The following THRB variants were observed in gnomAD, a reference collection of about 807,000 sequenced individuals.
THRB encodes the protein nuclear receptor subfamily 1 group A member 2.
In THRB, 12 loss-of-function variants were observed where a neutral mutation model predicts 47.8. The ratio of observed to expected loss-of-function variants is 0.25; its 90% CI spans 0.16 to 0.41. The LOEUF (loss-of-function observed/expected upper bound fraction) is 0.41, where lower values mean the gene tolerates loss of function less well. Ranked by LOEUF, THRB falls within the 10% of genes least tolerant of loss-of-function variation. The pLI, the probability that THRB is intolerant of heterozygous loss-of-function variation, is 1.00. For synonymous variants in THRB, 218 were observed against 212.2 expected (o/e 1.03, Z -0.24); for missense variants, 348 against 589.2 (o/e 0.59, Z 4.24).
chr3:24,286,371 A>C (rs2055298749), intron 3 of THRB, among the ~76,000 whole-genome samples: 2 of 152,222 alleles, frequency 1.3e-5, no homozygotes, highest in Non-Finnish European at 1.5e-5. Flanking sequence ...TTGGTTCAAG[A>C]AGATATTCAT....
At chr3:24,310,532 C>T (rs2057682137) in intron 2 of THRB, among the ~76,000 whole-genome samples, 1 of 152,154 alleles carries the variant, frequency 6.6e-6, no homozygotes, top group Non-Finnish European at 1.5e-5. Flanking sequence ...GGCCCCATCC[C>T]TAGAGCTTCT....
chr3:24,232,602 A>T (rs2048364071), intron 3 of THRB, among the ~76,000 whole-genome samples: 1 of 152,148 alleles, frequency 6.6e-6, no homozygotes, highest in Non-Finnish European at 1.5e-5. Context: ...AATGAGCTTC[A>T]TACAGAAAAA....
chr3:24,479,247 A>T (rs1695993504), intron 1 of THRB, among the ~76,000 whole-genome samples: 1 of 152,258 alleles, frequency 6.6e-6, no homozygotes, highest in African/African-American at 2.4e-5. Context: ...GCTAGCAGTG[A>T]GCTGAGATTG....
intron 1 of THRB, among the ~76,000 whole-genome samples, chr3:24,339,521 T>C (rs556764302): frequency 3.9e-5 from 6 of 152,288 alleles, no homozygotes; most frequent in Non-Finnish European, 7.4e-5. Flanking sequence ...TGAGAACAGA[T>C]TTAGGTTTTA....
chr3:24,372,476 T>G (rs1376847167), intron 1 of THRB, among the ~76,000 whole-genome samples: 2 of 152,132 alleles, frequency 1.3e-5, no homozygotes. Flanking sequence ...AGTTCCCTTA[T>G]AAGAAAATCA....
At chr3:24,183,617 C>A (rs2042201598) in intron 5 of THRB, among the ~76,000 whole-genome samples, 1 of 151,472 alleles carries the variant, frequency 6.6e-6, no homozygotes. Context: ...AAGTGATCCA[C>A]CTGCCTCGGC....
At chr3:24,182,135 A>G (rs1197853387) in intron 5 of THRB, among the ~76,000 whole-genome samples, 1 of 152,160 alleles carries the variant, frequency 6.6e-6, no homozygotes, top group East Asian at 1.9e-4. Flanking sequence ...CGGGAGGTGG[A>G]GCTTGCAGTG....
At chr3:24,410,382 T>C (rs2068187362) in intron 1 of THRB, among the ~76,000 whole-genome samples, 1 of 151,788 alleles carries the variant, frequency 6.6e-6, no homozygotes, top group Admixed American at 6.6e-5. Context: ...AATGCAAATA[T>C]TCCAAAAGCA....
At chr3:24,490,014 C>A (rs1697898126) in intron 1 of THRB, among the ~76,000 whole-genome samples, 1 of 152,124 alleles carries the variant, frequency 6.6e-6, no homozygotes, top group Admixed American at 6.5e-5. Flanking sequence ...CACAAACAAT[C>A]ACCTCCTCAG....
intron 3 of THRB, among the ~76,000 whole-genome samples, chr3:24,262,117 C>A (rs1449834325): frequency 6.6e-6 from 1 of 152,176 alleles, no homozygotes. Context: ...TATGTCCAAA[C>A]TAGATTACAG....
At chr3:24,332,570 C>A (rs2061992732) in intron 2 of THRB, among the ~76,000 whole-genome samples, 1 of 152,234 alleles carries the variant, frequency 6.6e-6, no homozygotes, top group Non-Finnish European at 1.5e-5. Flanking sequence ...AAAGCCCAGC[C>A]CTGCCACTGT....
intron 4 of THRB, among the ~76,000 whole-genome samples, chr3:24,204,032 C>T (rs1379523138): frequency 1.3e-5 from 2 of 152,258 alleles, no homozygotes; most frequent in Admixed American, 6.5e-5. Flanking sequence ...GCGGAGCCCA[C>T]CACAAGCTCA....
intron 1 of THRB, among the ~76,000 whole-genome samples, chr3:24,410,918 T>C (rs1174921824): frequency 4.0e-5 from 6 of 151,810 alleles, no homozygotes; most frequent in African/African-American, 1.4e-4. Context: ...CTGCAGTGAA[T>C]TGGTGTAGGA....
At chr3:24,380,195 T>C (rs1212165259) in intron 1 of THRB, among the ~76,000 whole-genome samples, 3 of 149,398 alleles carry the variant, frequency 2.0e-5, no homozygotes, top group African/African-American at 7.4e-5. Context: ...ATCCTCTTTC[T>C]CCCTCTCTTC....
At chr3:24,140,342 T>A (rs1396618175) in intron 8 of THRB, among the ~76,000 whole-genome samples, 1 of 152,208 alleles carries the variant, frequency 6.6e-6, no homozygotes, top group African/African-American at 2.4e-5. Flanking sequence ...CAACAATTTT[T>A]AATTTTCTTT....
At chr3:24,465,240 T>C (rs1317071939) in intron 1 of THRB, among the ~76,000 whole-genome samples, 1 of 152,218 alleles carries the variant, frequency 6.6e-6, no homozygotes, top group Admixed American at 6.5e-5. Context: ...CTCAGGATTC[T>C]GAAAAACACA....
At chr3:24,222,362 T>C (rs1177395569) in intron 4 of THRB, among the ~76,000 whole-genome samples, 1 of 152,096 alleles carries the variant, frequency 6.6e-6, no homozygotes. Flanking sequence ...TAAAAGGAAA[T>C]ACATATCGAG....
intron 6 of THRB, among the ~76,000 whole-genome samples, chr3:24,151,618 A>C (rs2036952538): frequency 6.6e-6 from 1 of 152,220 alleles, no homozygotes; most frequent in Non-Finnish European, 1.5e-5. Context: ...GCACTGGGTC[A>C]AGCTTTTTCC....
At chr3:24,168,911 C>T (rs1449877) in intron 5 of THRB, among the ~76,000 whole-genome samples, 13,982 of 151,606 alleles carry the variant, frequency 0.092, 850 homozygotes, top group African/African-American at 0.16. Flanking sequence ...CCAGGGATGG[C>T]TTCACAGAAG....
Sources: allele counts gnomAD v4.1 joint callset (sites outside exome capture counted in the v4.1 genomes callset), GRCh38; gene constraint gnomAD v4.1.1; transcripts MANE v1.5; gene names NCBI Gene and HGNC (gene_info 2026-07-23, HGNC 2026-07-21).